WNT9A: variants seen among roughly 807,000 people sequenced by gnomAD.
The protein encoded by WNT9A is Wnt family member 9A.
In WNT9A, 8 loss-of-function variants were observed where a neutral mutation model predicts 31.4. The observed-to-expected ratio is 0.26, with a 90% CI of 0.15 to 0.46. WNT9A has a LOEUF of 0.46. Among genes scored for constraint, WNT9A ranks in the 20% least tolerant of loss-of-function variants. The probability of loss-of-function intolerance (pLI) is 0.99; values close to 1 mark genes in which losing one functional copy is unlikely to be tolerated. For synonymous variants in WNT9A, 236 were observed against 220.1 expected, an observed-to-expected ratio of 1.07 and a Z score of -0.64; for missense variants, 457 against 522.9, an observed-to-expected ratio of 0.87 and a Z score of 1.23.
At chr1:227,927,049 C>T (rs183082600) in intron 1 of WNT9A, among the ~76,000 whole-genome samples, 32 of 152,232 alleles carry the variant, frequency 2.1e-4, no homozygotes, top group Non-Finnish European at 3.7e-4. Flanking sequence ...TGCTGAGATA[C>T]CCTGCCCGGC....
In WNT9A at chr1:227,921,187, T is replaced by A; in HGVS notation, c.*331A>T. On this transcript the variant is annotated 3_prime_UTR_variant, in exon 4 of 4. Coordinates refer to ENST00000272164, the MANE Select transcript of WNT9A (RefSeq NM_003395.4). ...GGCCTCAGCCCTTGCAGGTGTACAC[T>A]CCTCACACCGTGTGCAATGCCTGTG... 3.4e-6 allele frequency: 1 copy of A among 295,646 alleles called. No homozygotes were observed. The allele number at this position is 295,646 out of a possible 1,614,324, so 18.3% of individuals were successfully genotyped here. A position where few individuals can be genotyped will look rare whatever the true frequency, so the allele number is the denominator to read the frequency against.
At chr1:227,923,012 C>T (rs1666350492) in intron 3 of WNT9A, among the ~76,000 whole-genome samples, 1 of 152,188 alleles carries the variant, frequency 6.6e-6, no homozygotes, top group South Asian at 2.1e-4. Flanking sequence ...GTTCCGACTT[C>T]TCATTAATCT....
At position 227,925,355 on chromosome 1, in the gene WNT9A, C is replaced by T. The variant is rs758377849; in HGVS notation, c.260G>A (p.Ser87Asn). ...GAACTGGCACTCGAGCGCACTCATG[C>T]TCACGGCCTCCACCAGCGTCTCTGC... ...GVAETLVEAV[S>N]MSALECQFQF... The change falls in exon 2 of 4, where the codon AGC becomes AAC. Residue 87 changes from serine to asparagine, a missense_variant. By Grantham distance (46) the Ser-to-Asn change is conservative (BLOSUM62 1). Transcript: ENST00000272164. This position sits in a 1 kb window ranked among gnomAD's most constrained non-coding sequence, Gnocchi z 6.0. 1.2e-6 allele frequency: 2 copies of T among 1,611,246 alleles called. No homozygotes were observed. The highest frequency in any genetic ancestry group is 2.2e-5 in the East Asian group (1 of 44,788).
chr1:227,946,560 G>A (rs1327382241), intron 1 of WNT9A, among the ~76,000 whole-genome samples: 2 of 152,356 alleles, frequency 1.3e-5, no homozygotes, highest in South Asian at 2.1e-4. Flanking sequence ...AGAGGGCTGC[G>A]GGTGGGGGCC....
At chr1:227,924,692 A>T (rs1666386850) in intron 2 of WNT9A, among the ~76,000 whole-genome samples, 1 of 152,210 alleles carries the variant, frequency 6.6e-6, no homozygotes, top group South Asian at 2.1e-4. Context: ...CAGCCTCACC[A>T]TGGGGCCATT....
At position 227,925,063 on chromosome 1, in the gene WNT9A, G is replaced by C. The variant is rs1666392939; in HGVS notation, c.352+200C>G. Among the ~76,000 whole-genome samples the C allele has an allele frequency of 6.6e-6, 1 of 152,210 alleles. No individual in the cohort carries two copies. The highest frequency in any genetic ancestry group is 1.5e-5 in the Non-Finnish European group (1 of 68,018). On this transcript the variant is annotated intron_variant, in intron 2 of 3. Transcript: ENST00000272164. The surrounding 1 kb of genome is among the most constrained non-coding windows in gnomAD (Gnocchi z 6.0). ...CTGGCCACCAGCAACGACTGTGCGTGTGCCTAAAGCAAGGCAGGGCAGGCA... is the reference window on the plus strand; with the variant it reads ...CTGGCCACCAGCAACGACTGTGCGTCTGCCTAAAGCAAGGCAGGGCAGGCA...
At chr1:227,938,924 C>T (rs1666645290) in intron 1 of WNT9A, among the ~76,000 whole-genome samples, 1 of 152,214 alleles carries the variant, frequency 6.6e-6, no homozygotes, top group Non-Finnish European at 1.5e-5. Flanking sequence ...GGGCTGGGAC[C>T]TGAAAGCGGC....
rs59594965 is a variant in WNT9A, at chr1:227,919,686, T to TACACACACACAC, written c.*1820_*1831dup. The TACACACACACAC allele has an allele frequency of 6.6e-5, 9 of 135,914 alleles. No homozygotes were observed. The highest frequency in any genetic ancestry group is 2.4e-4 in the African/African-American group (9 of 38,010). The allele number at this position is 135,914 out of a possible 1,614,324, so 8.4% of individuals were successfully genotyped here. On this transcript the variant is annotated 3_prime_UTR_variant, in exon 4 of 4. Coordinates refer to ENST00000272164, the MANE Select transcript of WNT9A (RefSeq NM_003395.4). ...CACAGCCAAGCTGACCATGCCAGTA[T>TACACACACACAC]ACACACACACACACACACACACACA...
At chr1:227,940,084 A>C (rs949499279) in intron 1 of WNT9A, among the ~76,000 whole-genome samples, 8 of 152,106 alleles carry the variant, frequency 5.3e-5, no homozygotes, top group African/African-American at 1.7e-4. Flanking sequence ...ACCCTGCTGA[A>C]AGCACCGTGT....
At chr1:227,924,109 T>TTCCCC in intron 3 of WNT9A, 29 bp downstream of exon 3, 32 of 1,105,164 alleles carry the variant, frequency 2.9e-5, no homozygotes, top group East Asian at 4.6e-5. Context: ...GACCCTCCCT[T>TTCCCC]CCCACCCCGC....
chr1:227,927,626 T>G (rs1572127056), intron 1 of WNT9A, among the ~76,000 whole-genome samples: 1 of 151,248 alleles, frequency 6.6e-6, no homozygotes, highest in South Asian at 2.1e-4. Context: ...GGCGGGGGAG[T>G]AAGGCCAGGA....
chr1:227,931,553 C>A (rs1666510539), intron 1 of WNT9A, among the ~76,000 whole-genome samples: 2 of 152,170 alleles, frequency 1.3e-5, no homozygotes. Context: ...GATACACAGG[C>A]ACACCTTGAA....
In WNT9A at chr1:227,918,965, A is replaced by G. The variant is rs1027205024; in HGVS notation, c.*2553T>C. On this transcript the variant is annotated 3_prime_UTR_variant, in exon 4 of 4. Transcript: ENST00000272164. ...CCCTTTCTCCTCTACTGCCCCTCAG[A>G]AGAGAAGCGCATGAAACAGGAGGCT... The G allele has an allele frequency of 1.3e-5, 2 of 152,206 alleles. No homozygotes were observed. The highest frequency in any genetic ancestry group is 4.8e-5 in the African/African-American group (2 of 41,462). The allele number at this position is 152,206 out of a possible 1,614,324, so 9.4% of individuals were successfully genotyped here.
rs536513474 is a variant in WNT9A at position 227,938,982 on chromosome 1, T to C, written c.95+8811A>G. 6.6e-5 allele frequency among the ~76,000 whole-genome samples: 10 copies of C among 152,328 alleles called. No homozygotes were observed. In the South Asian group the frequency reaches 8.3e-4, roughly 13 times the overall value. On this transcript the variant is annotated intron_variant, in intron 1 of 3. Coordinates refer to ENST00000272164, the MANE Select transcript of WNT9A (RefSeq NM_003395.4). ...CCAGGCTCACGGCAGCACCAGTTCA[T>C]GACTGCTCTCCCCGGTGAAGGGCCC...
chr1:227,932,747 C>T (rs191605555), intron 1 of WNT9A, among the ~76,000 whole-genome samples: 125 of 152,340 alleles, frequency 8.2e-4, no homozygotes, highest in African/African-American at 1.7e-3. Context: ...GGCACATCTC[C>T]ACCAGAGCTC....
At position 227,925,527 on chromosome 1, in the gene WNT9A, C is replaced by A. The variant is rs989512995; in HGVS notation, c.96-8G>T. 3.9e-6 allele frequency: 6 copies of A among 1,522,802 alleles called. No homozygotes were observed. The highest frequency in any genetic ancestry group is 5.3e-6 in the Non-Finnish European group (6 of 1,139,718). 94.3% of individuals were successfully genotyped at this position (1,522,802 alleles called of 1,614,324 possible). On this transcript the variant is annotated splice_polypyrimidine_tract_variant and splice_region_variant and intron_variant, in intron 1 of 3. Transcript: ENST00000272164. The surrounding 1 kb of genome is among the most constrained non-coding windows in gnomAD (Gnocchi z 6.0). ...GGCTCGCTGCCCGTCAGCCTGGGCA[C>A]AGAGAGGCCAGCATGAGCCCGGCCC...
chr1:227,938,359 A>G (rs1283754943), intron 1 of WNT9A, among the ~76,000 whole-genome samples: 2 of 151,618 alleles, frequency 1.3e-5, no homozygotes, highest in African/African-American at 4.8e-5. Flanking sequence ...AGACACACGC[A>G]TACACACGTA....
At chr1:227,938,558 TAG>T (rs751576355) in intron 1 of WNT9A, among the ~76,000 whole-genome samples, 46 of 151,582 alleles carry the variant, frequency 3.0e-4, no homozygotes, top group Non-Finnish European at 3.2e-4. Flanking sequence ...CGTAAACCGA[TAG>T]AGATGCACGC....
intron 1 of WNT9A, among the ~76,000 whole-genome samples, chr1:227,939,395 G>A (rs1412802761): frequency 6.6e-6 from 1 of 152,140 alleles, no homozygotes; most frequent in Non-Finnish European, 1.5e-5. Flanking sequence ...ACGGCCCCCC[G>A]CTCCTCTGGC....
Sources: gnomAD v4.1 joint callset for allele counts (sites outside exome capture counted in the v4.1 genomes callset) on GRCh38, gnomAD v4.1.1 for gene constraint, Gnocchi (gnomAD v3.1) non-coding constraint, MANE v1.5 for transcripts, NCBI Gene and HGNC (gene_info 2026-07-23, HGNC 2026-07-21) for gene names.